The following MARCHF1 variants were observed in gnomAD, a reference collection of about 807,000 sequenced individuals.
MARCHF1 encodes membrane associated ring-CH-type finger 1, also known as E3 ubiquitin-protein ligase MARCHF1.
MARCHF1 carries 40 observed loss-of-function variants against 54.2 expected under a neutral mutation model. That is an observed-to-expected ratio of 0.74 (90% CI 0.57 to 0.96). The LOEUF (loss-of-function observed/expected upper bound fraction) is 0.96, where lower values mean the gene tolerates loss of function less well. Ranked by LOEUF, MARCHF1 falls within the 40% of genes least tolerant of loss-of-function variation. The probability of loss-of-function intolerance (pLI) is 0.00; values close to 1 mark genes in which losing one functional copy is unlikely to be tolerated. For missense variants in MARCHF1, 586 were observed against 656.5 expected, an observed-to-expected ratio of 0.89 and a Z score of 1.17; for synonymous variants, 236 against 236.3, an observed-to-expected ratio of 1.00 and a Z score of 0.01.
intron 3 of MARCHF1, among the ~76,000 whole-genome samples, chr4:163,860,444 A>G (rs1749894868): frequency 6.6e-6 from 1 of 152,180 alleles, no homozygotes; most frequent in South Asian, 2.1e-4. Context: ...GTCTTACAAA[A>G]AAGACTTATT....
intron 8 of MARCHF1, among the ~76,000 whole-genome samples, chr4:163,566,941 G>A (rs934999010): frequency 2.0e-5 from 3 of 152,052 alleles, no homozygotes; most frequent in South Asian, 2.1e-4. Flanking sequence ...GCTTTACTAC[G>A]TTCTTCTACC....
At chr4:163,714,916 A>G (rs754005168) in intron 4 of MARCHF1, among the ~76,000 whole-genome samples, 12 of 152,116 alleles carry the variant, frequency 7.9e-5, no homozygotes, top group Non-Finnish European at 1.6e-4. Context: ...TCCTGGCCTC[A>G]AGTAATTTTC....
chr4:163,773,343 A>T (rs1214997072), intron 4 of MARCHF1, among the ~76,000 whole-genome samples: 1 of 152,222 alleles, frequency 6.6e-6, no homozygotes, highest in African/African-American at 2.4e-5. Flanking sequence ...AATGTGCTAA[A>T]TTTTTATTTC....
At position 164,197,381 on chromosome 4, in the gene MARCHF1, G is replaced by A. The variant is rs746736467; in HGVS notation, c.-322-85719C>T. ...CAATTGAAAAGGTCTAAGCTCTTGA[G>A]GTTTTCTAACTGTTTCAGTGGCTCT... On this transcript the variant is annotated intron_variant, in intron 1 of 9. Transcript: ENST00000514618. The A allele has an allele frequency of 4.3e-6, 7 of 1,613,062 alleles. No individual in the cohort carries two copies. In the African/African-American group the frequency reaches 9.4e-5, roughly 22 times the overall value.
chr4:163,562,195 G>T (rs1449661714), intron 8 of MARCHF1, among the ~76,000 whole-genome samples: 1 of 152,154 alleles, frequency 6.6e-6, no homozygotes, highest in Non-Finnish European at 1.5e-5. Context: ...TACTCCAGAG[G>T]CTGGGGCAGG....
intron 1 of MARCHF1, among the ~76,000 whole-genome samples, chr4:164,136,767 A>G (rs117697631): frequency 0.012 from 1,766 of 151,336 alleles, 37 homozygotes; most frequent in South Asian, 0.038. Flanking sequence ...GTGGGCAGAC[A>G]GAGCATGAGC....
intron 1 of MARCHF1, among the ~76,000 whole-genome samples, chr4:164,182,598 A>G (rs1445727013): frequency 1.3e-5 from 2 of 151,866 alleles, no homozygotes; most frequent in Admixed American, 1.3e-4. Flanking sequence ...TTACATGTAC[A>G]TTTATAAAAG....
At chr4:164,239,060 G>T (rs2111201567) in intron 1 of MARCHF1, among the ~76,000 whole-genome samples, 1 of 151,998 alleles carries the variant, frequency 6.6e-6, no homozygotes, top group African/African-American at 2.4e-5. Context: ...TATATTTGTT[G>T]ATTATAGGGG....
intron 4 of MARCHF1, among the ~76,000 whole-genome samples, chr4:163,702,877 C>G (rs563664609): frequency 3.3e-5 from 5 of 152,104 alleles, no homozygotes; most frequent in Non-Finnish European, 7.4e-5. Flanking sequence ...GTTTCTACAC[C>G]AGTACATGGA....
chr4:164,319,104 C>T (rs1046139806), intron 1 of MARCHF1, among the ~76,000 whole-genome samples: 1 of 152,076 alleles, frequency 6.6e-6, no homozygotes, highest in African/African-American at 2.4e-5. Flanking sequence ...CAATCAACCA[C>T]ATATTGAAAA....
chr4:163,697,384 T>C (rs1561025104), intron 5 of MARCHF1, among the ~76,000 whole-genome samples: 1 of 152,192 alleles, frequency 6.6e-6, no homozygotes, highest in Non-Finnish European at 1.5e-5. Flanking sequence ...CACAGGCTAT[T>C]CTCAGGATAG....
intron 7 of MARCHF1, among the ~76,000 whole-genome samples, chr4:163,609,107 C>T (rs540929919): frequency 6.6e-6 from 1 of 151,888 alleles, no homozygotes; most frequent in Non-Finnish European, 1.5e-5. Context: ...GCACACATGC[C>T]GTTGTTTAGT....
rs181405030 is a variant in MARCHF1, at chr4:163,542,527, A to T, written c.1339+3069T>A. On this transcript the variant is annotated intron_variant, in intron 9 of 9. Coordinates refer to ENST00000514618, the MANE Select transcript of MARCHF1 (RefSeq NM_001394959.1). ...ACTAAGTATAAACCTCTGGGGATAA[A>T]GCCCAGCTTTGCAGCATTAGGAACA... 2.2e-3 allele frequency among the ~76,000 whole-genome samples: 330 copies of T among 152,348 alleles called. 4 individuals are homozygous for T. The highest frequency in any genetic ancestry group is 3.8e-3 in the Admixed American group (58 of 15,310).
intron 3 of MARCHF1, chr4:163,932,935 A>T (rs1394663919): frequency 1.5e-6 from 1 of 660,048 alleles, no homozygotes; most frequent in Non-Finnish European, 2.9e-6. Context: ...GATCAAAAAC[A>T]AATGATAGAT....
chr4:163,787,523 A>G (rs1440773650), intron 4 of MARCHF1, among the ~76,000 whole-genome samples: 2 of 151,836 alleles, frequency 1.3e-5, no homozygotes, highest in African/African-American at 2.4e-5. Flanking sequence ...CCACGGTGAC[A>G]TATTATCTCA....
At chr4:163,800,833 G>A (rs1369160584) in intron 4 of MARCHF1, among the ~76,000 whole-genome samples, 2 of 152,152 alleles carry the variant, frequency 1.3e-5, no homozygotes, top group Middle Eastern at 3.4e-3. Flanking sequence ...TTCCATCAGG[G>A]GAAAGACACT....
chr4:163,907,604 A>T (rs1751097637), intron 3 of MARCHF1, among the ~76,000 whole-genome samples: 1 of 152,112 alleles, frequency 6.6e-6, no homozygotes, highest in Non-Finnish European at 1.5e-5. Flanking sequence ...TTCTCAGTTG[A>T]ATTTTTAATC....
intron 1 of MARCHF1, among the ~76,000 whole-genome samples, chr4:164,337,438 G>A (rs79583382): frequency 1.3e-5 from 2 of 152,240 alleles, no homozygotes; most frequent in African/African-American, 4.8e-5. Flanking sequence ...TGATGAGTGA[G>A]CACCTGGTTC....
intron 4 of MARCHF1, among the ~76,000 whole-genome samples, chr4:163,797,648 A>G (rs1221824959): frequency 6.6e-6 from 1 of 151,986 alleles, no homozygotes; most frequent in Non-Finnish European, 1.5e-5. Context: ...TTTGAGCTGC[A>G]TTTAATCTGT....
Sources: gnomAD v4.1 joint callset for allele counts (sites outside exome capture counted in the v4.1 genomes callset) on GRCh38, gnomAD v4.1.1 for gene constraint, MANE v1.5 for transcripts, NCBI Gene and HGNC (gene_info 2026-07-23, HGNC 2026-07-21) for gene names.